Variants in EPHB2 observed in about 807,000 individuals in gnomAD.
The protein encoded by EPHB2 is ephrin type-B receptor 2.
Under a neutral mutation model 96.4 loss-of-function variants are expected in EPHB2, and 18 were observed. The observed-to-expected ratio is 0.19, with a 90% confidence interval of 0.13 to 0.28. EPHB2 has a LOEUF of 0.28. Ranked by LOEUF, EPHB2 falls within the 10% of genes least tolerant of loss-of-function variation. The pLI, the probability that EPHB2 is intolerant of heterozygous loss-of-function variation, is 1.00. For missense variants in EPHB2, 989 were observed against 1,355.4 expected, an observed-to-expected ratio of 0.73 and a Z score of 4.25; for synonymous variants, 506 against 534.1, an observed-to-expected ratio of 0.95 and a Z score of 0.72.
intron 3 of EPHB2, among the ~76,000 whole-genome samples, chr1:22,802,109 A>G (rs1644852336): frequency 6.6e-6 from 1 of 151,566 alleles, no homozygotes; most frequent in African/African-American, 2.4e-5. Context: ...CCAGGCAGAG[A>G]GTGGAGGAGG....
chr1:22,740,797 C>T (rs1326479540), intron 1 of EPHB2, among the ~76,000 whole-genome samples: 3 of 152,138 alleles, frequency 2.0e-5, no homozygotes, highest in African/African-American at 4.8e-5. Flanking sequence ...ACCATCATAC[C>T]GGCCCCTCCC....
intron 1 of EPHB2, among the ~76,000 whole-genome samples, chr1:22,765,567 T>G (rs1644297227): frequency 8.6e-6 from 1 of 115,608 alleles, no homozygotes; most frequent in Non-Finnish European, 1.8e-5. Flanking sequence ...AAAAAAACAT[T>G]GAGTTCATCC....
chr1:22,858,057 T>C lies in EPHB2; in HGVS notation c.812-4980T>C, dbSNP rs1050971109. ...GAGACAATTGCTTTAGCCAGGGTGG[T>C]CAGGGTGGGCCTCTCGGAGGAGGTG... On this transcript the variant is annotated intron_variant, in intron 3 of 15. Coordinates refer to ENST00000374630, the MANE Select transcript of EPHB2 (RefSeq NM_017449.5). This position sits in a 1 kb window ranked among gnomAD's most constrained non-coding sequence, Gnocchi z 7.7. Among the ~76,000 whole-genome samples the C allele has an allele frequency of 2.0e-5, 3 of 151,290 alleles. No individual in the cohort carries two copies. The highest frequency in any genetic ancestry group is 4.4e-5 in the Non-Finnish European group (3 of 67,770).
At chr1:22,752,981 A>C (rs1370879217) in intron 1 of EPHB2, among the ~76,000 whole-genome samples, 5 of 151,204 alleles carry the variant, frequency 3.3e-5, no homozygotes, top group African/African-American at 1.2e-4. Context: ...GGATCTCACT[A>C]TGTTGCCCAG....
intron 1 of EPHB2, among the ~76,000 whole-genome samples, chr1:22,734,914 T>A (rs1643793910): frequency 6.6e-6 from 1 of 152,196 alleles, no homozygotes; most frequent in Admixed American, 6.5e-5. Flanking sequence ...TGATAATGAA[T>A]ACAACTTTGT....
chr1:22,742,001 C>T (rs752972903), intron 1 of EPHB2, among the ~76,000 whole-genome samples: 3 of 151,574 alleles, frequency 2.0e-5, no homozygotes, highest in Non-Finnish European at 4.4e-5. Context: ...TTTTATTTTA[C>T]TCATGAACTC....
chr1:22,784,841 C>A lies in EPHB2; in HGVS notation c.576C>A (p.Val192=), dbSNP rs1222605408. Reference sequence around the variant, plus strand: ...GCATGTCCCTCATCGCCGTGCGTGTCTTCTACCGCAAGTGCCCCCGCATCA... The same window carrying A: ...GCATGTCCCTCATCGCCGTGCGTGTATTCTACCGCAAGTGCCCCCGCATCA... ...GGCMSLIAVR[V]FYRKCPRIIQ... Residue 192 remains valine (V), a synonymous_variant, in exon 3 of 16, where the codon GTC becomes GTA. Transcript: ENST00000374630. This position sits in a 1 kb window ranked among gnomAD's most constrained non-coding sequence, Gnocchi z 5.1. 1 of 1,607,582 alleles carries A rather than the reference C, an allele frequency of 6.2e-7. No individual in the cohort carries two copies. The highest frequency in any genetic ancestry group is 1.3e-5 in the African/African-American group (1 of 74,866).
At chr1:22,778,227 T>C (rs990298727) in intron 1 of EPHB2, among the ~76,000 whole-genome samples, 3 of 152,294 alleles carry the variant, frequency 2.0e-5, no homozygotes, top group Non-Finnish European at 4.4e-5. Flanking sequence ...GGTTTGACCA[T>C]GTTGGCCAGG....
At chr1:22,769,179 C>T (rs1026596834) in intron 1 of EPHB2, among the ~76,000 whole-genome samples, 2 of 152,114 alleles carry the variant, frequency 1.3e-5, no homozygotes, top group Admixed American at 1.3e-4. Flanking sequence ...CAGATGGGGT[C>T]CTCGTGAAGC....
At chr1:22,796,983 A>G (rs1644775232) in intron 3 of EPHB2, among the ~76,000 whole-genome samples, 1 of 152,224 alleles carries the variant, frequency 6.6e-6, no homozygotes. Flanking sequence ...GAATATTCGC[A>G]GTGTCTCATC....
intron 9 of EPHB2, among the ~76,000 whole-genome samples, chr1:22,900,780 A>G (rs1177193346): frequency 6.6e-6 from 1 of 152,156 alleles, no homozygotes; most frequent in African/African-American, 2.4e-5. Context: ...TCCAAGCAGA[A>G]CTTTGTTCTG....
At chr1:22,894,596 CCA>C (rs1639496458) in intron 7 of EPHB2, among the ~76,000 whole-genome samples, 2 of 145,026 alleles carry the variant, frequency 1.4e-5, no homozygotes, top group Admixed American at 6.7e-5. Context: ...AACTCCCACT[CCA>C]AAAAAAAAAA....
intron 3 of EPHB2, among the ~76,000 whole-genome samples, chr1:22,821,976 A>AG (rs1465468037): frequency 6.6e-6 from 1 of 152,198 alleles, no homozygotes; most frequent in Admixed American, 6.5e-5. Context: ...TGGATAAGGG[A>AG]GAAAAAAAAC....
chr1:22,806,331 G>C (rs754282327), intron 3 of EPHB2, among the ~76,000 whole-genome samples: 1 of 152,228 alleles, frequency 6.6e-6, no homozygotes, highest in Non-Finnish European at 1.5e-5. Flanking sequence ...GCAGGTTCCA[G>C]AGTCTGTGCT....
At chr1:22,821,384 C>T (rs926902557) in intron 3 of EPHB2, among the ~76,000 whole-genome samples, 5 of 152,180 alleles carry the variant, frequency 3.3e-5, no homozygotes, top group African/African-American at 1.2e-4. Context: ...TCATCAGTGA[C>T]TTCCATCAGC....
intron 3 of EPHB2, among the ~76,000 whole-genome samples, chr1:22,805,564 A>G (rs534852489): frequency 8.5e-5 from 13 of 152,206 alleles, no homozygotes; most frequent in Admixed American, 3.9e-4. Flanking sequence ...ACAACCACCC[A>G]GTCCAGACAG....
intron 3 of EPHB2, among the ~76,000 whole-genome samples, chr1:22,789,752 A>G (rs763900546): frequency 6.6e-6 from 1 of 152,210 alleles, no homozygotes; most frequent in Non-Finnish European, 1.5e-5. Context: ...GAGCAAATAA[A>G]TAAACTAGTT....
chr1:22,727,465 A>G (rs1006519840), intron 1 of EPHB2, among the ~76,000 whole-genome samples: 11 of 152,180 alleles, frequency 7.2e-5, no homozygotes, highest in African/African-American at 2.7e-4. Context: ...GAGCCAGGGA[A>G]TGGTTGCCAG....
At chr1:22,721,781 T>A (rs577369447) in intron 1 of EPHB2, among the ~76,000 whole-genome samples, 26 of 127,222 alleles carry the variant, frequency 2.0e-4, no homozygotes, top group Admixed American at 6.8e-4. Context: ...GCATCCAGCA[T>A]TTTTTTTTTT....
Sources: gnomAD v4.1 joint callset for allele counts (sites outside exome capture counted in the v4.1 genomes callset) on GRCh38, gnomAD v4.1.1 for gene constraint, Gnocchi (gnomAD v3.1) non-coding constraint, MANE v1.5 for transcripts, NCBI Gene and HGNC (gene_info 2026-07-23, HGNC 2026-07-21) for gene names.